The following IPCEF1 variants were observed in gnomAD, a reference collection of about 807,000 sequenced individuals.
The protein encoded by IPCEF1 is interaction protein for cytohesin exchange factors 1.
IPCEF1 carries 31 observed loss-of-function variants against 50.9 expected under a neutral mutation model. The observed-to-expected ratio is 0.61, with a 90% CI of 0.46 to 0.82. IPCEF1 has a LOEUF of 0.82. Ranked by LOEUF, IPCEF1 falls within the 40% of genes least tolerant of loss-of-function variation. IPCEF1 has a pLI of 0.00. For synonymous variants in IPCEF1, 181 were observed against 192.0 expected (o/e 0.94, Z 0.47); for missense variants, 458 against 514.0 (o/e 0.89, Z 1.05).
chr6:154,211,232 C>T (rs1447448720), intron 9 of IPCEF1, among the ~76,000 whole-genome samples: 2 of 151,870 alleles, frequency 1.3e-5, no homozygotes, highest in Non-Finnish European at 1.5e-5. Flanking sequence ...CTGGCTAACA[C>T]GGTGAAATCC....
At chr6:154,336,303 GT>G (rs1462609975) in intron 1 of IPCEF1, among the ~76,000 whole-genome samples, 9 of 152,208 alleles carry the variant, frequency 5.9e-5, no homozygotes, top group Admixed American at 6.5e-5. Context: ...TGAAGAAAAT[GT>G]GGTATATGTA....
chr6:154,254,167 C>T (rs1235762088), intron 3 of IPCEF1, among the ~76,000 whole-genome samples: 3 of 151,804 alleles, frequency 2.0e-5, no homozygotes, highest in Non-Finnish European at 4.4e-5. Context: ...TTTATGATAC[C>T]AATTTCTTGA....
intron 1 of IPCEF1, among the ~76,000 whole-genome samples, chr6:154,330,518 G>T (rs891360805): frequency 6.6e-6 from 1 of 151,614 alleles, no homozygotes; most frequent in South Asian, 2.1e-4. Flanking sequence ...TAGAGATAAG[G>T]TCTTACTATG....
intron 2 of IPCEF1, among the ~76,000 whole-genome samples, chr6:154,270,681 A>C (rs527364600): frequency 1.2e-4 from 18 of 152,344 alleles, no homozygotes; most frequent in South Asian, 2.1e-4. Context: ...TTTCAATTTA[A>C]ATATGTATTC....
chr6:154,299,925 T>C (rs1782750616), intron 1 of IPCEF1, among the ~76,000 whole-genome samples: 1 of 140,844 alleles, frequency 7.1e-6, no homozygotes, highest in Non-Finnish European at 1.6e-5. Flanking sequence ...TCTATACTCT[T>C]CAATTTTGCA....
At chr6:154,218,775 G>A (rs535041583) in intron 7 of IPCEF1, among the ~76,000 whole-genome samples, 4 of 152,214 alleles carry the variant, frequency 2.6e-5, no homozygotes, top group East Asian at 3.9e-4. Context: ...CAGACAAAAT[G>A]GACCATTTAG....
intron 10 of IPCEF1, among the ~76,000 whole-genome samples, chr6:154,174,862 A>C (rs1048147777): frequency 2.0e-5 from 3 of 152,190 alleles, no homozygotes; most frequent in Non-Finnish European, 4.4e-5. Flanking sequence ...AAATCAACAG[A>C]ATATAGATTT....
At chr6:154,349,351 T>G (rs1177148445) in intron 1 of IPCEF1, among the ~76,000 whole-genome samples, 2 of 133,818 alleles carry the variant, frequency 1.5e-5, no homozygotes, top group African/African-American at 5.8e-5. Flanking sequence ...TCTACCACAC[T>G]TAACTAATTT....
chr6:154,305,882 G>C (rs1782919123), intron 1 of IPCEF1, among the ~76,000 whole-genome samples: 1 of 152,190 alleles, frequency 6.6e-6, no homozygotes, highest in African/African-American at 2.4e-5. Context: ...ACTTACACCA[G>C]TGGTTTACCA....
intron 10 of IPCEF1, among the ~76,000 whole-genome samples, chr6:154,173,515 C>G (rs564384773): frequency 6.6e-6 from 1 of 151,912 alleles, no homozygotes; most frequent in African/African-American, 2.4e-5. Flanking sequence ...ACAAGAACTT[C>G]GTGAAGCATA....
chr6:154,327,626 T>A (rs1233087988), intron 1 of IPCEF1, among the ~76,000 whole-genome samples: 1 of 152,180 alleles, frequency 6.6e-6, no homozygotes, highest in Non-Finnish European at 1.5e-5. Context: ...TTGGTGGGAA[T>A]GTAAATTAGT....
At chr6:154,180,386 CTATATATA>C (rs58975780) in intron 10 of IPCEF1, among the ~76,000 whole-genome samples, 2 of 88,320 alleles carry the variant, frequency 2.3e-5, no homozygotes, top group Admixed American at 1.0e-4. Context: ...ACAACAACAA[CTATATATA>C]TATATATATA....
At chr6:154,200,086 A>G (rs1312911547) in intron 9 of IPCEF1, 46 bp from the exon 10 acceptor site, 1 of 1,513,120 alleles carries the variant, frequency 6.6e-7, no homozygotes, top group Admixed American at 2.1e-5. Flanking sequence ...AGACATCATG[A>G]TTAAACCATC....
intron 9 of IPCEF1, among the ~76,000 whole-genome samples, chr6:154,208,849 C>T (rs1250612819): frequency 6.6e-6 from 1 of 152,160 alleles, no homozygotes; most frequent in Non-Finnish European, 1.5e-5. Flanking sequence ...AATTGTCTTC[C>T]AGAGTGAAAC....
chr6:154,206,599 C>T (rs1777514658), intron 9 of IPCEF1, among the ~76,000 whole-genome samples: 1 of 70,100 alleles, frequency 1.4e-5, no homozygotes, highest in African/African-American at 8.5e-5. Flanking sequence ...ATTGTGATAA[C>T]AACATGAAAA....
chr6:154,321,565 G>A (rs1783376160), intron 1 of IPCEF1, among the ~76,000 whole-genome samples: 1 of 151,928 alleles, frequency 6.6e-6, no homozygotes, highest in African/African-American at 2.4e-5. Flanking sequence ...ATCACCTGAG[G>A]TCAGGGGTTC....
chr6:154,235,518 C>A lies in IPCEF1; in HGVS notation c.246+11073G>T, dbSNP rs1252227660. On this transcript the variant is annotated intron_variant, in intron 5 of 11. Coordinates refer to ENST00000367220, the MANE Select transcript of IPCEF1 (RefSeq NM_001130700.2). ...TGCACTCCAGCCTGGGCGACAAGAG[C>A]AAAACTCTGTCACAAAAAAAAAAAA... Among the ~76,000 whole-genome samples, 59 of 60,734 alleles carry A rather than the reference C, an allele frequency of 9.7e-4. No individual in the cohort carries two copies. In the Admixed American group the frequency reaches 0.011, roughly 12 times the overall value. 39.8% of individuals were successfully genotyped at this position (60,734 alleles called of 152,430 possible).
chr6:154,296,102 C>A (rs1562583697), intron 1 of IPCEF1, among the ~76,000 whole-genome samples: 1 of 152,168 alleles, frequency 6.6e-6, no homozygotes, highest in Non-Finnish European at 1.5e-5. Flanking sequence ...GCTGTGGGCT[C>A]TGTGCATACA....
chr6:154,260,988 A>C (rs1488992943), intron 3 of IPCEF1, among the ~76,000 whole-genome samples: 2 of 152,154 alleles, frequency 1.3e-5, no homozygotes, highest in Non-Finnish European at 2.9e-5. Context: ...TGCCAAATCT[A>C]GTAACTATAT....
Sources: allele counts gnomAD v4.1 joint callset (sites outside exome capture counted in the v4.1 genomes callset), GRCh38; gene constraint gnomAD v4.1.1; transcripts MANE v1.5; gene names NCBI Gene and HGNC (gene_info 2026-07-23, HGNC 2026-07-21).